The following TMEM135 variants were observed in gnomAD, a reference collection of about 807,000 sequenced individuals.
The protein encoded by TMEM135 is transmembrane protein 135, also known as peroxisomal membrane protein 52.
In TMEM135, 30 loss-of-function variants were observed where a neutral mutation model predicts 60.3. The ratio of observed to expected loss-of-function variants is 0.50; its 90% confidence interval spans 0.37 to 0.68. TMEM135 has a LOEUF of 0.68. Ranked by LOEUF, TMEM135 falls within the 30% of genes least tolerant of loss-of-function variation. The pLI, the probability that TMEM135 is intolerant of heterozygous loss-of-function variation, is 0.00. For synonymous variants in TMEM135, 190 were observed against 186.7 expected (o/e 1.02, Z -0.14); for missense variants, 468 against 548.8 (o/e 0.85, Z 1.47).
At chr11:87,303,878 G>A (rs556460877) in intron 8 of TMEM135, among the ~76,000 whole-genome samples, 10 of 152,302 alleles carry the variant, frequency 6.6e-5, no homozygotes, top group Non-Finnish European at 1.2e-4. Context: ...TGCCTTGGGC[G>A]TCAGAACTGA....
intron 5 of TMEM135, among the ~76,000 whole-genome samples, chr11:87,231,852 G>T (rs1394609562): frequency 6.6e-6 from 1 of 152,010 alleles, no homozygotes; most frequent in Non-Finnish European, 1.5e-5. Context: ...AAGCTTACTG[G>T]ATTGTATCAA....
At chr11:87,229,704 A>G (rs113004145) in intron 5 of TMEM135, among the ~76,000 whole-genome samples, 8,136 of 152,198 alleles carry the variant, frequency 0.053, 338 homozygotes, top group Non-Finnish European at 0.074. Context: ...AAACTTCAGC[A>G]TATCCATATG....
intron 6 of TMEM135, among the ~76,000 whole-genome samples, chr11:87,289,164 C>G (rs1022410306): frequency 1.1e-4 from 17 of 152,014 alleles, no homozygotes; most frequent in Non-Finnish European, 2.5e-4. Flanking sequence ...TGTATTTTAT[C>G]TTTTAAAAAA....
intron 3 of TMEM135, among the ~76,000 whole-genome samples, chr11:87,084,329 G>A (rs1053482249): frequency 1.3e-5 from 2 of 148,198 alleles, no homozygotes; most frequent in Non-Finnish European, 1.5e-5. Context: ...TTTTTTTTGA[G>A]ACAGAGTTTC....
At chr11:87,171,333 G>A (rs945815288) in intron 5 of TMEM135, among the ~76,000 whole-genome samples, 6 of 122,420 alleles carry the variant, frequency 4.9e-5, no homozygotes, top group Non-Finnish European at 8.3e-5. Flanking sequence ...TCAAGACAGT[G>A]TAGTGTTTTT....
At chr11:87,175,113 G>T (rs1253336377) in intron 5 of TMEM135, among the ~76,000 whole-genome samples, 1 of 152,100 alleles carries the variant, frequency 6.6e-6, no homozygotes, top group African/African-American at 2.4e-5. Context: ...TGAACCACAA[G>T]AGGAAGAAGA....
intron 4 of TMEM135, among the ~76,000 whole-genome samples, chr11:87,144,791 T>G (rs965656029): frequency 6.6e-6 from 1 of 151,774 alleles, no homozygotes; most frequent in East Asian, 1.9e-4. Context: ...ATTTTGTTAG[T>G]GATGTATCTG....
chr11:87,214,247 G>A (rs1198410515), intron 5 of TMEM135, among the ~76,000 whole-genome samples: 4 of 152,178 alleles, frequency 2.6e-5, no homozygotes, highest in African/African-American at 9.6e-5. Flanking sequence ...TGGGGTGAAT[G>A]CTCAAGGTAA....
intron 4 of TMEM135, among the ~76,000 whole-genome samples, chr11:87,112,427 T>G (rs902784057): frequency 2.0e-5 from 3 of 152,118 alleles, no homozygotes; most frequent in Non-Finnish European, 2.9e-5. Context: ...TTTCACAGAG[T>G]TTTTATCATT....
At chr11:87,249,026 T>C (rs965269611) in intron 6 of TMEM135, among the ~76,000 whole-genome samples, 15 of 152,146 alleles carry the variant, frequency 9.9e-5, no homozygotes, top group Admixed American at 8.5e-4. Flanking sequence ...TTTTTCCATG[T>C]CTATCATCTG....
chr11:87,267,565 GTTTA>G (rs1433220193), intron 6 of TMEM135, among the ~76,000 whole-genome samples: 1 of 152,072 alleles, frequency 6.6e-6, no homozygotes, highest in Non-Finnish European at 1.5e-5. Context: ...AGTTATGTAA[GTTTA>G]TTTCTTTTTT....
intron 4 of TMEM135, among the ~76,000 whole-genome samples, chr11:87,147,254 C>T (rs115842779): frequency 2.0e-5 from 3 of 152,156 alleles, no homozygotes; most frequent in South Asian, 2.1e-4. Context: ...ACCTGGCAGG[C>T]GAAGGTTGCA....
rs867942407 is a variant in TMEM135 at position 87,102,718 on chromosome 11, A to G, written c.396+11323A>G. Among the ~76,000 whole-genome samples the G allele has an allele frequency of 8.1e-3, 486 of 59,864 alleles. 5 individuals are homozygous for G. Among genetic ancestry groups the G allele is most frequent in the African/African-American group, 0.055 (462 of 8,396 alleles). 39.3% of individuals were successfully genotyped at this position (59,864 alleles called of 152,430 possible). On this transcript the variant is annotated intron_variant, in intron 4 of 14. Transcript: ENST00000305494. ...TATATATATATGTATATATATGTAT[A>G]TATATATATGTATATATATATGTAT...
intron 5 of TMEM135, among the ~76,000 whole-genome samples, chr11:87,201,292 A>C (rs536236362): frequency 4.7e-4 from 72 of 152,310 alleles, no homozygotes; most frequent in African/African-American, 1.5e-3. Context: ...AGTACAACTT[A>C]ATTTTCATTA....
In TMEM135 at chr11:87,327,519, G is replaced by C. The variant is rs1432368069; in HGVS notation, c.*6186G>C. ...CCAGAGAGGCAGAACAATAGGGATA[G>C]AGAGATACATAGAGAGAGATATGAG... On this transcript the variant is annotated 3_prime_UTR_variant, in exon 15 of 15. Coordinates refer to ENST00000305494, the MANE Select transcript of TMEM135 (RefSeq NM_022918.4). 2 of 453,824 alleles carry C rather than the reference G, an allele frequency of 4.4e-6. No homozygotes were observed. Among genetic ancestry groups the C allele is most frequent in the Admixed American group, 2.4e-5 (1 of 42,504 alleles). The allele number at this position is 453,824 out of a possible 1,614,324, so 28.1% of individuals were successfully genotyped here.
chr11:87,185,031 C>T (rs754865509), intron 5 of TMEM135, among the ~76,000 whole-genome samples: 1 of 152,170 alleles, frequency 6.6e-6, no homozygotes, highest in Non-Finnish European at 1.5e-5. Flanking sequence ...TAATAATTCT[C>T]ACTGATTGCC....
chr11:87,240,161 T>C (rs1941098198), intron 6 of TMEM135, among the ~76,000 whole-genome samples: 2 of 152,108 alleles, frequency 1.3e-5, no homozygotes, highest in Non-Finnish European at 2.9e-5. Context: ...CAAGTGTCTC[T>C]TGATACCCAT....
chr11:87,043,646 C>T (rs1194470679), intron 1 of TMEM135, among the ~76,000 whole-genome samples: 1 of 151,986 alleles, frequency 6.6e-6, no homozygotes, highest in Non-Finnish European at 1.5e-5. Flanking sequence ...TCACTTGAAC[C>T]TGGGAGGCGG....
chr11:87,232,389 T>C (rs189594679), intron 5 of TMEM135, among the ~76,000 whole-genome samples: 2 of 152,098 alleles, frequency 1.3e-5, no homozygotes, highest in East Asian at 3.9e-4. Flanking sequence ...GACTGAAAAT[T>C]ACTCAAATTT....
Sources: gnomAD v4.1 joint callset for allele counts (sites outside exome capture counted in the v4.1 genomes callset) on GRCh38, gnomAD v4.1.1 for gene constraint, MANE v1.5 for transcripts, NCBI Gene and HGNC (gene_info 2026-07-23, HGNC 2026-07-21) for gene names.